SRGAP1: variants seen among roughly 807,000 people sequenced by gnomAD.
SRGAP1 encodes SLIT-ROBO Rho GTPase-activating protein 1.
SRGAP1 carries 43 observed loss-of-function variants against 121.9 expected under a neutral mutation model. That is an observed-to-expected ratio of 0.35 (90% CI 0.28 to 0.46). The LOEUF is 0.46. Ranked by LOEUF, SRGAP1 falls within the 20% of genes least tolerant of loss-of-function variation. The pLI is 1.00. For missense variants in SRGAP1, 1,102 were observed against 1,350.9 expected (o/e 0.82, Z 2.89); for synonymous variants, 447 against 485.4 (o/e 0.92, Z 1.04).
chr12:63,846,201 A>C (rs533769842), intron 1 of SRGAP1, among the ~76,000 whole-genome samples: 2 of 152,206 alleles, frequency 1.3e-5, no homozygotes, highest in East Asian at 3.8e-4. Context: ...ATTTATACTT[A>C]CAGGAACTTG....
At chr12:63,922,357 A>T (rs565865820) in intron 1 of SRGAP1, among the ~76,000 whole-genome samples, 1 of 152,200 alleles carries the variant, frequency 6.6e-6, no homozygotes, top group Non-Finnish European at 1.5e-5. Context: ...CTCTAATTCA[A>T]CTGATGTCCA....
At chr12:63,862,788 A>G (rs12228199) in intron 1 of SRGAP1, among the ~76,000 whole-genome samples, 43,028 of 152,038 alleles carry the variant, frequency 0.28, 7,021 homozygotes, top group East Asian at 0.55. Context: ...TTTCTTTGAA[A>G]GTGATGGCTT....
intron 1 of SRGAP1, among the ~76,000 whole-genome samples, chr12:63,934,264 C>A (rs2031582871): frequency 6.6e-6 from 1 of 152,136 alleles, no homozygotes; most frequent in African/African-American, 2.4e-5. Context: ...CCACCTTTGC[C>A]TCTCAAGTCA....
At chr12:63,910,532 A>G (rs1259513658) in intron 1 of SRGAP1, among the ~76,000 whole-genome samples, 2 of 152,144 alleles carry the variant, frequency 1.3e-5, no homozygotes, top group Non-Finnish European at 2.9e-5. Flanking sequence ...ACCCATTTTG[A>G]TCTTGCAAGC....
intron 3 of SRGAP1, among the ~76,000 whole-genome samples, chr12:64,005,035 G>T (rs1189108253): frequency 6.6e-6 from 1 of 152,144 alleles, no homozygotes; most frequent in African/African-American, 2.4e-5. Flanking sequence ...ATTTGCAGAA[G>T]AGATACCGAA....
At chr12:64,059,986 C>A (rs1451689571) in intron 6 of SRGAP1, among the ~76,000 whole-genome samples, 1 of 151,756 alleles carries the variant, frequency 6.6e-6, no homozygotes, top group South Asian at 2.1e-4. Context: ...AAATAGCACC[C>A]CCAAAAGACA....
intron 21 of SRGAP1, among the ~76,000 whole-genome samples, chr12:64,137,948 T>G (rs1236301016): frequency 1.9e-5 from 2 of 107,056 alleles, no homozygotes; most frequent in Non-Finnish European, 2.0e-5. Context: ...TTCTTAATTG[T>G]GCTTAAAAAA....
intron 1 of SRGAP1, among the ~76,000 whole-genome samples, chr12:63,872,721 G>A (rs1899895788): frequency 6.6e-6 from 1 of 151,908 alleles, no homozygotes; most frequent in South Asian, 2.1e-4. Flanking sequence ...GCCCTTTTTT[G>A]TCTTATAGTA....
chr12:63,946,149 G>C (rs1375080673), intron 1 of SRGAP1, among the ~76,000 whole-genome samples: 1 of 152,140 alleles, frequency 6.6e-6, no homozygotes, highest in Admixed American at 6.5e-5. Context: ...ATGAAATGGA[G>C]GTCTTTGTAA....
chr12:64,098,104 C>T (rs1374138191), intron 15 of SRGAP1, among the ~76,000 whole-genome samples: 3 of 152,092 alleles, frequency 2.0e-5, no homozygotes, highest in Admixed American at 1.3e-4. Context: ...ATCACTTAGG[C>T]TTCATAAGAA....
intron 1 of SRGAP1, among the ~76,000 whole-genome samples, chr12:63,900,087 A>G (rs188825778): frequency 1.3e-5 from 2 of 152,254 alleles, no homozygotes; most frequent in African/African-American, 2.4e-5. Context: ...CCAATGGACT[A>G]TTCTACCTTT....
chr12:63,899,730 G>A (rs1900872791), intron 1 of SRGAP1, among the ~76,000 whole-genome samples: 1 of 152,200 alleles, frequency 6.6e-6, no homozygotes, highest in African/African-American at 2.4e-5. Flanking sequence ...TTATGTACAG[G>A]GAAACCTTGG....
rs1555232932 is a variant in SRGAP1 at position 63,868,035 on chromosome 12, CATATATATAT to C, written c.67+23165_67+23174del. Among the ~76,000 whole-genome samples, 45 of 54,822 alleles carry C rather than the reference CATATATATAT, an allele frequency of 8.2e-4. 1 individual carries two copies. The highest frequency in any genetic ancestry group is 4.7e-3 in the East Asian group (9 of 1,896). 36.0% of individuals were successfully genotyped at this position (54,822 alleles called of 152,430 possible). A position where few individuals can be genotyped will look rare whatever the true frequency, so the allele number is the denominator to read the frequency against. On this transcript the variant is annotated intron_variant, in intron 1 of 21. Coordinates refer to ENST00000355086, the MANE Select transcript of SRGAP1 (RefSeq NM_020762.4). ...CTCAAGGGCTGATAAATTCTATTTC[CATATATATAT>C]ATATATATATATTTTTTTTTTTTTT...
intron 12 of SRGAP1, among the ~76,000 whole-genome samples, chr12:64,092,854 T>A (rs1359340925): frequency 6.6e-6 from 1 of 152,202 alleles, no homozygotes; most frequent in Non-Finnish European, 1.5e-5. Context: ...CGAGAATGGC[T>A]GCTTAAGATG....
intron 1 of SRGAP1, chr12:63,888,043 C>T (rs1900450475): frequency 1.3e-5 from 2 of 152,176 alleles, no homozygotes; most frequent in Admixed American, 1.3e-4. Context: ...TTTGTGTCCT[C>T]TTTTTTAGAA....
intron 1 of SRGAP1, among the ~76,000 whole-genome samples, chr12:63,858,131 C>A (rs1398751434): frequency 6.6e-6 from 1 of 151,020 alleles, no homozygotes; most frequent in African/African-American, 2.4e-5. Context: ...TATAGATTTC[C>A]TAATATTTAA....
At chr12:63,885,952 T>G (rs1900367224) in intron 1 of SRGAP1, among the ~76,000 whole-genome samples, 1 of 152,248 alleles carries the variant, frequency 6.6e-6, no homozygotes, top group African/African-American at 2.4e-5. Context: ...ATTTCAAATG[T>G]CCTCATATCC....
chr12:63,984,565 C>T (rs1467771722), intron 2 of SRGAP1, among the ~76,000 whole-genome samples: 1 of 152,004 alleles, frequency 6.6e-6, no homozygotes, highest in Non-Finnish European at 1.5e-5. Context: ...CCCTTCCTGC[C>T]CATCATGTTT....
At chr12:63,918,001 C>T (rs1446316636) in intron 1 of SRGAP1, among the ~76,000 whole-genome samples, 1 of 152,192 alleles carries the variant, frequency 6.6e-6, no homozygotes, top group African/African-American at 2.4e-5. Flanking sequence ...TTGGTGGCTA[C>T]AAGATTTCCC....
Sources: gnomAD v4.1 joint callset for allele counts (sites outside exome capture counted in the v4.1 genomes callset) on GRCh38, gnomAD v4.1.1 for gene constraint, MANE v1.5 for transcripts, NCBI Gene and HGNC (gene_info 2026-07-23, HGNC 2026-07-21) for gene names.